Variants in C12orf42 observed in about 807,000 individuals in gnomAD.
C12orf42 encodes the protein uncharacterized protein C12orf42.
A neutral mutation model predicts 21.6 loss-of-function variants in C12orf42; 25 were observed. The observed-to-expected ratio is 1.16, with a 90% CI of 0.84 to 1.62. The LOEUF (loss-of-function observed/expected upper bound fraction) is 1.62. C12orf42 is among the 40% of genes most tolerant of loss of function. The pLI, the probability that C12orf42 is intolerant of heterozygous loss-of-function variation, is 0.00. For synonymous variants in C12orf42, 174 were observed against 175.0 expected (o/e 0.99, Z 0.05); for missense variants, 483 against 459.3 (o/e 1.05, Z -0.47).
chr12:103,093,522 A>G, the C12orf42 span, among the ~76,000 whole-genome samples: 1 of 152,168 alleles, frequency 6.6e-6, no homozygotes, highest in Non-Finnish European at 1.5e-5. Flanking sequence ...TTATGCATAT[A>G]CACTAGATAA....
At chr12:103,053,424 T>G in the C12orf42 span, among the ~76,000 whole-genome samples, 1 of 151,946 alleles carries the variant, frequency 6.6e-6, no homozygotes, top group African/African-American at 2.4e-5. Context: ...GTTCATATCT[T>G]TTGCCTATTT....
Position 103,302,298 on chromosome 12 carries a change from T to A in C12orf42, c.893A>T (p.Gln298Leu), listed in dbSNP as rs1444171422. The A allele has an allele frequency of 2.5e-6, 4 of 1,613,708 alleles. No individual in the cohort carries two copies. The Admixed American group carries it at 6.7e-5, about 27-fold the overall frequency. The change falls in exon 6 of 6, where the codon CAG becomes CTG. Residue 298 changes from glutamine (Q) to leucine (L), a missense_variant. Physicochemically the swap from Gln to Leu is moderately radical, Grantham distance 113. Transcript: ENST00000548883. ...HPHTPRDRRP[Q>L]ADTSLHGNLA... ...ATTGCCATGGAGGGAGGTGTCCGCC[T>A]GAGGCCTCCTGTCCCGCGGGGTATG...
intron 4 of C12orf42, among the ~76,000 whole-genome samples, chr12:103,351,276 T>C (rs1216354889): frequency 1.3e-5 from 2 of 152,158 alleles, no homozygotes; most frequent in African/African-American, 4.8e-5. Flanking sequence ...GAACCATGTT[T>C]AAATAAGGTA....
At chr12:103,069,325 C>A in the C12orf42 span, among the ~76,000 whole-genome samples, 4 of 151,718 alleles carry the variant, frequency 2.6e-5, no homozygotes, top group Admixed American at 6.6e-5. Context: ...TTTTCCTCAA[C>A]TTATGGTGTG....
At chr12:103,525,558 CT>C in the C12orf42 span, among the ~76,000 whole-genome samples, 34 of 152,146 alleles carry the variant, frequency 2.2e-4, no homozygotes, top group East Asian at 6.6e-3. Context: ...ATAGCAACCC[CT>C]GAGGTAAAAT....
intron 2 of C12orf42, among the ~76,000 whole-genome samples, chr12:103,416,034 GT>G (rs3065787): frequency 3.8e-4 from 56 of 146,940 alleles, no homozygotes; most frequent in African/African-American, 8.2e-4. Flanking sequence ...TGTTTAGTGG[GT>G]TTTTTTTTTT....
chr12:103,346,498 T>C (rs919816764), intron 4 of C12orf42, among the ~76,000 whole-genome samples: 2 of 152,208 alleles, frequency 1.3e-5, no homozygotes, highest in Non-Finnish European at 2.9e-5. Context: ...GGCTAAGTCA[T>C]GCCATTTGAT....
intron 3 of C12orf42, among the ~76,000 whole-genome samples, chr12:103,388,151 T>G (rs1182814430): frequency 2.0e-5 from 3 of 152,104 alleles, no homozygotes; most frequent in Non-Finnish European, 2.9e-5. Flanking sequence ...GGAGAAAAAT[T>G]TTTCCTTGGT....
At chr12:103,463,602 A>G (rs1952889547) in intron 2 of C12orf42, among the ~76,000 whole-genome samples, 1 of 151,536 alleles carries the variant, frequency 6.6e-6, no homozygotes, top group Non-Finnish European at 1.5e-5. Flanking sequence ...ATTTTTTTCT[A>G]TTTTAAGTTC....
intron 2 of C12orf42, among the ~76,000 whole-genome samples, chr12:103,406,290 T>A (rs1174680351): frequency 6.6e-6 from 1 of 152,204 alleles, no homozygotes; most frequent in Non-Finnish European, 1.5e-5. Flanking sequence ...GTGATGTTGG[T>A]TCTGGAACAG....
the C12orf42 span, among the ~76,000 whole-genome samples, chr12:103,058,899 C>T: frequency 6.6e-6 from 1 of 151,952 alleles, no homozygotes; most frequent in Non-Finnish European, 1.5e-5. Flanking sequence ...AAATTGACAC[C>T]CTAACATCAC....
At chr12:103,404,808 A>G (rs1482634460) in intron 2 of C12orf42, among the ~76,000 whole-genome samples, 1 of 152,166 alleles carries the variant, frequency 6.6e-6, no homozygotes, top group Non-Finnish European at 1.5e-5. Flanking sequence ...TAAAGGAGGG[A>G]AAAAAAGCCT....
the C12orf42 span, among the ~76,000 whole-genome samples, chr12:103,188,630 G>A: frequency 5.3e-5 from 8 of 152,184 alleles, no homozygotes; most frequent in African/African-American, 1.9e-4. Context: ...CACAATGTAA[G>A]GGGTGAGTTC....
chr12:103,242,815 A>C (rs190069506), intron 10 of C12orf42, among the ~76,000 whole-genome samples: 7 of 152,330 alleles, frequency 4.6e-5, no homozygotes, highest in Non-Finnish European at 7.3e-5. Flanking sequence ...TTAGTAATTC[A>C]CTTTATAAAA....
At chr12:103,118,709 A>T in the C12orf42 span, among the ~76,000 whole-genome samples, 52 of 142,680 alleles carry the variant, frequency 3.6e-4, no homozygotes, top group Non-Finnish European at 6.1e-4. Flanking sequence ...GAGGCAGGAG[A>T]ATGGTGTGAG....
the C12orf42 span, among the ~76,000 whole-genome samples, chr12:103,084,025 T>G: frequency 1.3e-5 from 2 of 152,334 alleles, no homozygotes; most frequent in African/African-American, 4.8e-5. Context: ...AGTTTTCAAT[T>G]CTTTTTTTGT....
intron 1 of C12orf42, among the ~76,000 whole-genome samples, chr12:103,495,297 A>T (rs1357514391): frequency 6.6e-6 from 1 of 151,918 alleles, no homozygotes; most frequent in Non-Finnish European, 1.5e-5. Context: ...ATGTAAAGAG[A>T]GGAACTTTCC....
chr12:103,225,630 T>C, the C12orf42 span, among the ~76,000 whole-genome samples: 1 of 152,014 alleles, frequency 6.6e-6, no homozygotes, highest in African/African-American at 2.4e-5. Flanking sequence ...AAGCAGATAA[T>C]TTAGTTAAAG....
chr12:103,093,966 A>T, the C12orf42 span, among the ~76,000 whole-genome samples: 1 of 152,186 alleles, frequency 6.6e-6, no homozygotes, highest in Non-Finnish European at 1.5e-5. Flanking sequence ...TCTGGTCTGT[A>T]TACTTAAGGG....
Sources: allele counts gnomAD v4.1 joint callset (sites outside exome capture counted in the v4.1 genomes callset), GRCh38; gene constraint gnomAD v4.1.1; transcripts MANE v1.5; gene names NCBI Gene and HGNC (gene_info 2026-07-23, HGNC 2026-07-21).